ROBO2: variants seen among roughly 807,000 people sequenced by gnomAD.
ROBO2 encodes the protein roundabout guidance receptor 2.
Under a neutral mutation model 160.8 loss-of-function variants are expected in ROBO2, and 53 were observed. The ratio of observed to expected loss-of-function variants is 0.33; its 90% CI spans 0.26 to 0.41. ROBO2 has a LOEUF of 0.41. Ranked by LOEUF, ROBO2 falls within the 10% of genes least tolerant of loss-of-function variation. The pLI, the probability that ROBO2 is intolerant of heterozygous loss-of-function variation, is 1.00. For synonymous variants in ROBO2, 664 were observed against 611.7 expected (o/e 1.09, Z -1.26); for missense variants, 1,577 against 1,722.4 (o/e 0.92, Z 1.49).
At chr3:77,240,263 C>T (rs1428983455) in intron 2 of ROBO2, among the ~76,000 whole-genome samples, 8 of 152,162 alleles carry the variant, frequency 5.3e-5, no homozygotes, top group Non-Finnish European at 8.8e-5. Context: ...GGCAAGAATT[C>T]GAGTGTGGCG....
intron 2 of ROBO2, among the ~76,000 whole-genome samples, chr3:76,394,713 C>T (rs537090181): frequency 8.9e-4 from 135 of 151,948 alleles, no homozygotes; most frequent in African/African-American, 3.1e-3. Context: ...AAACCACCAA[C>T]GATCAAAAGA....
chr3:75,931,000 G>A (rs1262640752), intron 1 of ROBO2, among the ~76,000 whole-genome samples: 2 of 152,172 alleles, frequency 1.3e-5, no homozygotes, highest in East Asian at 1.9e-4. Flanking sequence ...CAACTCTCCC[G>A]CTTTTCTGGT....
At chr3:77,642,728 C>G (rs1235560217) in intron 24 of ROBO2, 1 of 456,628 alleles carries the variant, frequency 2.2e-6, no homozygotes, top group South Asian at 1.5e-5. Context: ...CAAATAGGCC[C>G]GAGCCAGCAG....
chr3:77,526,174 C>T (rs1269717736), intron 6 of ROBO2, among the ~76,000 whole-genome samples: 1 of 151,408 alleles, frequency 6.6e-6, no homozygotes, highest in Admixed American at 6.6e-5. Flanking sequence ...GCTACAATTG[C>T]CTTATTGCCT....
chr3:77,348,751 C>T (rs1249303366), intron 2 of ROBO2, among the ~76,000 whole-genome samples: 1 of 152,148 alleles, frequency 6.6e-6, no homozygotes, highest in Non-Finnish European at 1.5e-5. Flanking sequence ...TAACAAGTCT[C>T]CCTAATCCTG....
At chr3:75,990,097 T>C (rs2065525157) in intron 2 of ROBO2, among the ~76,000 whole-genome samples, 1 of 152,244 alleles carries the variant, frequency 6.6e-6, no homozygotes, top group Non-Finnish European at 1.5e-5. Context: ...AGTATGTTTC[T>C]AGAAACATAC....
At chr3:76,575,215 C>CAATACCTTGATACAATACAATA (rs2085213102) in intron 2 of ROBO2, among the ~76,000 whole-genome samples, 2 of 152,014 alleles carry the variant, frequency 1.3e-5, no homozygotes. Flanking sequence ...CTTGATAATT[C>CAATACCTTGATACAATACAATA]CCATTCTTTC....
At chr3:76,965,668 G>GT (rs1321119320) in intron 2 of ROBO2, among the ~76,000 whole-genome samples, 3 of 137,406 alleles carry the variant, frequency 2.2e-5, no homozygotes, top group East Asian at 2.1e-4. Flanking sequence ...TCTATCAAAG[G>GT]TAAAAAAAAA....
intron 2 of ROBO2, among the ~76,000 whole-genome samples, chr3:77,283,533 C>A (rs915988105): frequency 1.3e-5 from 2 of 152,122 alleles, no homozygotes; most frequent in African/African-American, 4.8e-5. Context: ...TAAGAGTATA[C>A]ATACCAACTA....
At chr3:77,509,390 T>C (rs984321001) in intron 5 of ROBO2, among the ~76,000 whole-genome samples, 3 of 152,084 alleles carry the variant, frequency 2.0e-5, no homozygotes, top group African/African-American at 7.2e-5. Context: ...TCATAAGGTT[T>C]TCAGGTTAAA....
chr3:76,535,577 C>T (rs2082450904), intron 2 of ROBO2, among the ~76,000 whole-genome samples: 1 of 151,654 alleles, frequency 6.6e-6, no homozygotes, highest in Admixed American at 6.6e-5. Context: ...TGGCTGTAGC[C>T]CAGGAATAGT....
intron 2 of ROBO2, among the ~76,000 whole-genome samples, chr3:76,118,969 A>G (rs528590407): frequency 6.6e-6 from 1 of 152,162 alleles, no homozygotes; most frequent in Admixed American, 6.6e-5. Flanking sequence ...TGTTTTTCTT[A>G]TAGAAAATCA....
At chr3:76,432,967 T>C (rs1405391166) in intron 2 of ROBO2, among the ~76,000 whole-genome samples, 1 of 152,042 alleles carries the variant, frequency 6.6e-6, no homozygotes, top group African/African-American at 2.4e-5. Flanking sequence ...TCCAGAATCT[T>C]AGCGATCATT....
intron 2 of ROBO2, among the ~76,000 whole-genome samples, chr3:76,674,445 T>C (rs1487499459): frequency 2.6e-5 from 4 of 152,178 alleles, no homozygotes; most frequent in East Asian, 1.9e-4. Flanking sequence ...GTCTTCATCA[T>C]TGGCTGTCAT....
At position 77,562,834 on chromosome 3, in the gene ROBO2, GT is replaced by G. The variant is rs2093366407; in HGVS notation, c.1519+103del. 3.4e-6 allele frequency: 3 copies of G among 876,544 alleles called. No homozygotes were observed. The Admixed American group carries it at 5.9e-5, about 17-fold the overall frequency. The allele number at this position is 876,544 out of a possible 1,614,324, so 54.3% of individuals were successfully genotyped here. A position where few individuals can be genotyped will look rare whatever the true frequency, so the allele number is the denominator to read the frequency against. ...GATCAAAGTGTTTAATTCACTGAAT[GT>G]AAATTTTAGCCTTTACATTCAATGC... is the stretch of plus-strand genomic sequence containing the variant. On this transcript the variant is annotated intron_variant, in intron 10 of 25. Coordinates refer to ENST00000461745, the Ensembl canonical transcript of ROBO2.
Position 77,337,965 on chromosome 3 carries a change from T to C in ROBO2, c.389-139449T>C, listed in dbSNP as rs532507281. On this transcript the variant is annotated intron_variant, in intron 2 of 25. Coordinates refer to ENST00000461745, the Ensembl canonical transcript of ROBO2. ...ATAGTAAATAATTAATCTGTACGTA[T>C]TGGTTGATGTTTCATTTCAGCATCC... is the stretch of plus-strand genomic sequence containing the variant. Among the ~76,000 whole-genome samples, 86 of 152,306 alleles carry C rather than the reference T, an allele frequency of 5.6e-4. 1 individual carries two copies. In the South Asian group the frequency reaches 0.016, roughly 29 times the overall value.
chr3:77,540,341 A>AT (rs535337323), intron 6 of ROBO2, among the ~76,000 whole-genome samples: 45 of 152,274 alleles, frequency 3.0e-4, no homozygotes, highest in African/African-American at 1.0e-3. Flanking sequence ...GATATGACAA[A>AT]TTTTTAGTTA....
intron 2 of ROBO2, among the ~76,000 whole-genome samples, chr3:76,132,476 T>C (rs963041103): frequency 4.0e-5 from 6 of 149,844 alleles, no homozygotes; most frequent in African/African-American, 1.2e-4. Flanking sequence ...ATTCATCAAT[T>C]AGGAAATGAC....
At chr3:76,367,929 A>G (rs970910178) in intron 2 of ROBO2, among the ~76,000 whole-genome samples, 4 of 151,728 alleles carry the variant, frequency 2.6e-5, no homozygotes, top group African/African-American at 9.7e-5. Flanking sequence ...ATATTTATAA[A>G]GAAACATTAC....
Sources: gnomAD v4.1 joint callset for allele counts (sites outside exome capture counted in the v4.1 genomes callset) on GRCh38, gnomAD v4.1.1 for gene constraint, MANE v1.5 for transcripts, NCBI Gene and HGNC (gene_info 2026-07-23, HGNC 2026-07-21) for gene names.